The following TNNI3K variants were observed in gnomAD, a reference collection of about 807,000 sequenced individuals.
TNNI3K encodes the protein TNNI3 interacting kinase.
A neutral mutation model predicts 114.5 loss-of-function variants in TNNI3K; 140 were observed. The ratio of observed to expected loss-of-function variants is 1.22; its 90% CI spans 1.07 to 1.41. The LOEUF is 1.41. Among genes scored for constraint, TNNI3K ranks in the 40% most tolerant of loss-of-function variants. The pLI is 0.00. For missense variants in TNNI3K, 1,125 were observed against 1,007.6 expected (o/e 1.12, Z -1.58); for synonymous variants, 347 against 347.5 (o/e 1.00, Z 0.02).
chr1:74,238,665 T>C (rs949185748), intron 2 of TNNI3K, among the ~76,000 whole-genome samples: 1 of 152,110 alleles, frequency 6.6e-6, no homozygotes, highest in Non-Finnish European at 1.5e-5. Flanking sequence ...ATTTTGAGAC[T>C]AGAGTATTAG....
intron 11 of TNNI3K, among the ~76,000 whole-genome samples, chr1:74,362,203 G>A (rs1570522559): frequency 6.6e-6 from 1 of 152,186 alleles, no homozygotes; most frequent in Non-Finnish European, 1.5e-5. Flanking sequence ...AATGCTTCTG[G>A]AAAGTGAGTT....
intron 17 of TNNI3K, chr1:74,416,378 A>G (rs975270481): frequency 1.0e-6 from 1 of 981,508 alleles, no homozygotes; most frequent in African/African-American, 1.8e-5. Flanking sequence ...CTGAAGAAGG[A>G]GCTGTGGAAC....
chr1:74,250,849 A>G lies in TNNI3K; in HGVS notation c.333+80A>G, dbSNP rs1366485867. On this transcript the variant is annotated intron_variant, in intron 4 of 24. Transcript: ENST00000326637. ...CTTTAGGCTTTTTTTTTTTTTTTTC[A>G]AATTAGTAATCATGGAAAATTTTCA... The G allele has an allele frequency of 7.4e-5, 70 of 940,338 alleles. 1 individual carries two copies. The African/African-American group carries it at 1.1e-3, about 15-fold the overall frequency. 58.2% of individuals were successfully genotyped at this position (940,338 alleles called of 1,614,324 possible).
intron 20 of TNNI3K, among the ~76,000 whole-genome samples, chr1:74,455,801 A>G (rs1667203001): frequency 6.6e-6 from 1 of 152,164 alleles, no homozygotes. Flanking sequence ...CCCTCAAGGC[A>G]TTGGATGATG....
chr1:74,353,971 C>A lies in TNNI3K; in HGVS notation c.1028-9C>A. On this transcript the variant is annotated splice_polypyrimidine_tract_variant and intron_variant, in intron 10 of 24. Transcript: ENST00000326637. Reference sequence around the variant, plus strand: ...CTCCTTTTGTTCTTTCAATTCTTTTCTATTACAGGATTACACTCTGCTTGC... The same window carrying A: ...CTCCTTTTGTTCTTTCAATTCTTTTATATTACAGGATTACACTCTGCTTGC... The A allele has an allele frequency of 1.3e-6, 2 of 1,594,534 alleles. No homozygotes were observed. The highest frequency in any genetic ancestry group is 1.7e-6 in the Non-Finnish European group (2 of 1,172,926).
intron 9 of TNNI3K, among the ~76,000 whole-genome samples, chr1:74,348,488 C>T (rs1570499095): frequency 1.3e-5 from 2 of 152,158 alleles, no homozygotes; most frequent in South Asian, 4.2e-4. Flanking sequence ...CGGGCTCTTT[C>T]TTGGTTCCAT....
intron 5 of TNNI3K, among the ~76,000 whole-genome samples, chr1:74,327,681 A>T (rs1412783782): frequency 6.8e-6 from 1 of 146,348 alleles, no homozygotes; most frequent in Non-Finnish European, 1.5e-5. Flanking sequence ...AAATATAATC[A>T]TATATTTATA....
At chr1:74,518,450 T>C (rs1233359941) in intron 23 of TNNI3K, among the ~76,000 whole-genome samples, 1 of 152,164 alleles carries the variant, frequency 6.6e-6, no homozygotes, top group Non-Finnish European at 1.5e-5. Context: ...TTATAGACTC[T>C]TGGTTGCTTC....
chr1:74,455,200 G>A (rs903441219), intron 20 of TNNI3K, among the ~76,000 whole-genome samples: 4 of 152,132 alleles, frequency 2.6e-5, no homozygotes, highest in Non-Finnish European at 4.4e-5. Context: ...ACCCAAACTG[G>A]AGGAAGTAAA....
chr1:74,478,564 G>GA (rs1489798028), intron 21 of TNNI3K, among the ~76,000 whole-genome samples: 1 of 151,906 alleles, frequency 6.6e-6, no homozygotes, highest in Non-Finnish European at 1.5e-5. Flanking sequence ...AATCCTCTAT[G>GA]AAAAAAAGGG....
At chr1:74,332,742 G>T (rs576101594) in intron 6 of TNNI3K, among the ~76,000 whole-genome samples, 1 of 152,216 alleles carries the variant, frequency 6.6e-6, no homozygotes, top group Admixed American at 6.5e-5. Flanking sequence ...TTGTTTTGCT[G>T]TACCAAAGTA....
chr1:74,338,669 T>G (rs1660601320), intron 7 of TNNI3K, among the ~76,000 whole-genome samples: 1 of 152,124 alleles, frequency 6.6e-6, no homozygotes, highest in African/African-American at 2.4e-5. Flanking sequence ...CTAATCAATG[T>G]TTTTTATCTA....
intron 17 of TNNI3K, among the ~76,000 whole-genome samples, chr1:74,397,783 G>A (rs1401022177): frequency 1.3e-5 from 2 of 152,180 alleles, no homozygotes; most frequent in Admixed American, 6.5e-5. Context: ...ATAACACAAT[G>A]GCTATGCTGT....
At chr1:74,295,420 T>G (rs1279792531) in intron 5 of TNNI3K, among the ~76,000 whole-genome samples, 1 of 152,182 alleles carries the variant, frequency 6.6e-6, no homozygotes, top group Non-Finnish European at 1.5e-5. Flanking sequence ...TTTACGCATT[T>G]GTTCTATCAG....
At chr1:74,323,209 A>G (rs566205303) in intron 5 of TNNI3K, among the ~76,000 whole-genome samples, 7 of 152,270 alleles carry the variant, frequency 4.6e-5, no homozygotes, top group African/African-American at 1.7e-4. Flanking sequence ...ACTTTCTGCA[A>G]TGGGAAGGAA....
chr1:74,497,035 T>G (rs1173157036), intron 23 of TNNI3K, among the ~76,000 whole-genome samples: 5 of 152,194 alleles, frequency 3.3e-5, no homozygotes, highest in African/African-American at 1.2e-4. Flanking sequence ...GGGATTAATT[T>G]TTCACACTAC....
intron 17 of TNNI3K, among the ~76,000 whole-genome samples, chr1:74,398,112 A>G (rs909993950): frequency 2.0e-5 from 3 of 152,244 alleles, no homozygotes; most frequent in African/African-American, 7.2e-5. Flanking sequence ...TAGATGCTGT[A>G]GGAAACAGGT....
intron 23 of TNNI3K, among the ~76,000 whole-genome samples, chr1:74,502,531 T>G (rs904623367): frequency 6.6e-6 from 1 of 152,230 alleles, no homozygotes; most frequent in African/African-American, 2.4e-5. Flanking sequence ...GAGACTTAAC[T>G]TTGCCAACAT....
Position 74,336,009 on chromosome 1 carries a change from A to C in TNNI3K, c.544-2A>C, listed in dbSNP as rs1057405614. The C allele has an allele frequency of 5.1e-6, 8 of 1,568,686 alleles. No homozygotes were observed. In the African/African-American group the frequency reaches 1.1e-4, roughly 22 times the overall value. Reference sequence around the variant, plus strand: ...CTGATTTCAAATGAATAAATCCTTTAGGTAACTCGCCTTCTTTTGAAATTT... The same window carrying C: ...CTGATTTCAAATGAATAAATCCTTTCGGTAACTCGCCTTCTTTTGAAATTT... On this transcript the variant is annotated splice_acceptor_variant, in intron 6 of 24. Coordinates refer to ENST00000326637, the MANE Select transcript of TNNI3K (RefSeq NM_015978.3). LOFTEE classifies it high-confidence loss of function.
Sources: gnomAD v4.1 joint callset for allele counts (sites outside exome capture counted in the v4.1 genomes callset) on GRCh38, gnomAD v4.1.1 for gene constraint, MANE v1.5 for transcripts, NCBI Gene and HGNC (gene_info 2026-07-23, HGNC 2026-07-21) for gene names.